FAAH: variants seen among roughly 807,000 people sequenced by gnomAD.
FAAH encodes the protein fatty-acid amide hydrolase 1.
FAAH carries 63 observed loss-of-function variants against 69.7 expected under a neutral mutation model. The observed-to-expected ratio is 0.90, with a 90% confidence interval of 0.74 to 1.12. The LOEUF (loss-of-function observed/expected upper bound fraction) is 1.12, where lower values mean the gene tolerates loss of function less well. FAAH is among the 50% of genes most tolerant of loss of function. The pLI is 0.00. For synonymous variants in FAAH, 305 were observed against 324.2 expected, an observed-to-expected ratio of 0.94 and a Z score of 0.64; for missense variants, 680 against 755.0, an observed-to-expected ratio of 0.90 and a Z score of 1.16.
rs1456628662 is a variant in FAAH at position 46,402,287 on chromosome 1, G to T, written c.309+83G>T. The T allele has an allele frequency of 7.5e-6, 9 of 1,203,084 alleles. No homozygotes were observed. In the East Asian group the frequency reaches 2.3e-4, roughly 31 times the overall value. The allele number at this position is 1,203,084 out of a possible 1,614,324, so 74.5% of individuals were successfully genotyped here. ...CCCTCCCTTTCCCCTCCCTCTGTCCGCACAGGCTGTGGGGAAAACCTGGCC... is the reference window on the plus strand; with the variant it reads ...CCCTCCCTTTCCCCTCCCTCTGTCCTCACAGGCTGTGGGGAAAACCTGGCC... On this transcript the variant is annotated intron_variant, in intron 2 of 14. Transcript: ENST00000243167.
intron 1 of FAAH, among the ~76,000 whole-genome samples, chr1:46,398,152 C>T (rs537218400): frequency 6.6e-6 from 1 of 152,244 alleles, no homozygotes; most frequent in East Asian, 1.9e-4. Context: ...CCAGGCTGGT[C>T]TTGAACTCCT....
At position 46,405,945 on chromosome 1, in the gene FAAH, C is replaced by A; in HGVS notation, c.786-93C>A. On this transcript the variant is annotated intron_variant, in intron 5 of 14. Coordinates refer to ENST00000243167, the MANE Select transcript of FAAH (RefSeq NM_001441.3). The surrounding 1 kb of genome is among the most constrained non-coding windows in gnomAD (Gnocchi z 4.1). ...ACTGGCCGGGCGTGGGTCCTAGTTTCCAAAGCGGTGAGTGTTCAGAGCTGC... is the reference window on the plus strand; with the variant it reads ...ACTGGCCGGGCGTGGGTCCTAGTTTACAAAGCGGTGAGTGTTCAGAGCTGC... The A allele has an allele frequency of 6.2e-7, 1 of 1,612,840 alleles. No homozygotes were observed. Among genetic ancestry groups the A allele is most frequent in the South Asian group, 1.1e-5 (1 of 90,950 alleles).
chr1:46,402,619 TCTC>T (rs1199893400), intron 2 of FAAH, among the ~76,000 whole-genome samples: 6 of 151,836 alleles, frequency 4.0e-5, no homozygotes, highest in Non-Finnish European at 5.9e-5. Context: ...TTCAAGCAAT[TCTC>T]CTGCCTCAGC....
In FAAH at chr1:46,394,544, G is replaced by T; in HGVS notation, c.195+1G>T. ...GGCGGCGCAGCGCTTCCGGCTCCAG[G>T]TGACTGCCGGAGCGTAGTGGGATGG... On this transcript the variant is annotated splice_donor_variant, in intron 1 of 14. Coordinates refer to ENST00000243167, the MANE Select transcript of FAAH (RefSeq NM_001441.3). LOFTEE classifies it high-confidence loss of function. 1 of 1,354,450 alleles carries T rather than the reference G, an allele frequency of 7.4e-7. No homozygotes were observed. The highest frequency in any genetic ancestry group is 9.4e-7 in the Non-Finnish European group (1 of 1,060,780). 83.9% of individuals were successfully genotyped at this position (1,354,450 alleles called of 1,614,324 possible).
chr1:46,412,568 G>A (rs1177365197), intron 13 of FAAH, among the ~76,000 whole-genome samples: 4 of 152,194 alleles, frequency 2.6e-5, no homozygotes, highest in Non-Finnish European at 5.9e-5. Context: ...CGAGCACTTT[G>A]GGAGGCTGAG....
intron 2 of FAAH, among the ~76,000 whole-genome samples, chr1:46,403,051 C>T (rs939357033): frequency 1.3e-4 from 20 of 152,238 alleles, no homozygotes; most frequent in African/African-American, 4.6e-4. Context: ...TCAGGCTGGT[C>T]TCAAACTCCT....
At position 46,404,737 on chromosome 1, in the gene FAAH, C is replaced by T. The variant is rs1664760597; in HGVS notation, c.310-277C>T. Among the ~76,000 whole-genome samples the T allele has an allele frequency of 6.6e-6, 1 of 152,154 alleles. No homozygotes were observed. The highest frequency in any genetic ancestry group is 2.1e-4 in the South Asian group (1 of 4,826). ...CAGCTCACCCCCTACCTGGGGGGCACCTGAGGCCAGTATCTTGCTCCCTTG... is the reference window on the plus strand; with the variant it reads ...CAGCTCACCCCCTACCTGGGGGGCATCTGAGGCCAGTATCTTGCTCCCTTG... On this transcript the variant is annotated intron_variant, in intron 2 of 14. Transcript: ENST00000243167. The surrounding 1 kb of genome is among the most constrained non-coding windows in gnomAD (Gnocchi z 4.5).
rs1202096686 is a variant in FAAH at position 46,404,702 on chromosome 1, A to T, written c.310-312A>T. Among the ~76,000 whole-genome samples the T allele has an allele frequency of 6.6e-6, 1 of 152,242 alleles. No individual in the cohort carries two copies. Among genetic ancestry groups the T allele is most frequent in the East Asian group, 1.9e-4 (1 of 5,170 alleles). ...GGAGGTGAGGGAGTGGCCAGTGGTC[A>T]TCTTCCTCCCAGCTCACCCCCTACC... On this transcript the variant is annotated intron_variant, in intron 2 of 14. Coordinates refer to ENST00000243167, the MANE Select transcript of FAAH (RefSeq NM_001441.3). The surrounding 1 kb of genome is among the most constrained non-coding windows in gnomAD (Gnocchi z 4.5).
Position 46,394,409 on chromosome 1 carries a change from T to A in FAAH, c.61T>A (p.Cys21Ser). The change falls in exon 1 of 15, where the codon TGC becomes AGC. Residue 21 changes from cysteine to serine, a missense_variant. Physicochemically the swap from Cys to Ser is moderately radical, Grantham distance 112. Coordinates refer to ENST00000243167, the MANE Select transcript of FAAH (RefSeq NM_001441.3). ...CGCCTCCGGGGTCGCCCTGGCCTGC[T>A]GCTTCGTGGCGGCGGCCGTGGCCCT... is the stretch of plus-strand genomic sequence containing the variant. ...PGASGVALAC[C>S]FVAAAVALRW... The A allele has an allele frequency of 6.7e-7, 1 of 1,494,498 alleles. No individual in the cohort carries two copies. Among genetic ancestry groups the A allele is most frequent in the Non-Finnish European group, 8.9e-7 (1 of 1,126,162 alleles). The allele number at this position is 1,494,498 out of a possible 1,614,324, so 92.6% of individuals were successfully genotyped here.
chr1:46,412,239 G>A lies in FAAH; in HGVS notation c.1453G>A (p.Gly485Ser). Residue 485 changes from glycine (G) to serine (S), a missense_variant, in exon 13 of 15, where the codon GGC becomes AGC. Gly to Ser is a moderately conservative substitution (Grantham distance 56). Transcript: ENST00000243167. ...CCCTGCTCTGGACTTGAATGCCCCAGGCAGGGCCACAGGTGAGGCCCGACA... is the reference window on the plus strand; with the variant it reads ...CCCTGCTCTGGACTTGAATGCCCCAAGCAGGGCCACAGGTGAGGCCCGACA... ...LAPALDLNAP[G>S]RATGAVSYTM... 1 of 1,553,152 alleles carries A rather than the reference G, an allele frequency of 6.4e-7. No homozygotes were observed. Among genetic ancestry groups the A allele is most frequent in the Non-Finnish European group, 8.7e-7 (1 of 1,147,842 alleles).
chr1:46,408,538 G>A lies in FAAH; in HGVS notation c.1031G>A (p.Arg344Gln), dbSNP rs970642010. ...ACCATGCCCTCCCCGGCCATGAGGC[G>A]GGCCGTGCTGGAGACCAAACAGAGC... is the stretch of plus-strand genomic sequence containing the variant. ...NYTMPSPAMR[R>Q]AVLETKQSLE... The change falls in exon 8 of 15, where the codon CGG (arginine) becomes CAG (glutamine). Residue 344 changes from arginine to glutamine, a missense_variant. Transcript: ENST00000243167. 3.7e-6 allele frequency: 6 copies of A among 1,614,126 alleles called. No individual in the cohort carries two copies. Among genetic ancestry groups the A allele is most frequent in the East Asian group, 2.2e-5 (1 of 44,880 alleles).
intron 7 of FAAH, 118 bp downstream of exon 7, chr1:46,406,486 C>A: frequency 6.9e-7 from 1 of 1,458,586 alleles, no homozygotes; most frequent in Non-Finnish European, 9.4e-7. Flanking sequence ...GCCTCTGAGG[C>A]CAGGGCGGGT....
chr1:46,407,300 C>T (rs1382219319), intron 7 of FAAH, among the ~76,000 whole-genome samples: 2 of 152,052 alleles, frequency 1.3e-5, no homozygotes, highest in Admixed American at 6.5e-5. Flanking sequence ...GATCTTTCAA[C>T]ATGGGGGTTG....
In FAAH at chr1:46,413,479, C is replaced by T. The variant is rs143781022; in HGVS notation, c.1644C>T (p.Ala548=). The stretch of plus-strand genomic sequence containing the variant: ...AGAAGAGTGTGGGGCTGCCGGTGGC[C>T]GTGCAGTGTGTGGCTCTGCCCTGGC... ...GMKKSVGLPV[A]VQCVALPWQE... The change falls in exon 15 of 15, where the codon GCC becomes GCT. Residue 548 remains alanine, a synonymous_variant. Transcript: ENST00000243167. 62 of 1,613,932 alleles carry T rather than the reference C, an allele frequency of 3.8e-5. No homozygotes were observed. The highest frequency in any genetic ancestry group is 5.0e-5 in the Admixed American group (3 of 59,992).
At chr1:46,408,692 G>A in intron 8 of FAAH, 108 bp downstream of exon 8, 1 of 1,543,886 alleles carries the variant, frequency 6.5e-7, no homozygotes, top group South Asian at 1.1e-5. Flanking sequence ...TGACGATGTT[G>A]TCGTCGGGGT....
chr1:46,405,701 C>A lies in FAAH; in HGVS notation c.692C>A (p.Pro231His), dbSNP rs769504896. 6.2e-7 allele frequency: 1 copy of A among 1,613,586 alleles called. No individual in the cohort carries two copies. Among genetic ancestry groups the A allele is most frequent in the Non-Finnish European group, 8.5e-7 (1 of 1,180,040 alleles). The change falls in exon 5 of 15, where the codon CCC becomes CAC. Residue 231 changes from proline (P) to histidine (H), a missense_variant. Pro to His is a moderately conservative substitution (Grantham distance 77, BLOSUM62 -2). Transcript: ENST00000243167. The surrounding 1 kb of genome is among the most constrained non-coding windows in gnomAD (Gnocchi z 4.1). ...GCCCTCATCGGGTCTGGAGGCTCCC[C>A]CCTGGGCTTAGGCACTGATATCGGA... ...EGALIGSGGS[P>H]LGLGTDIGGS... is the part of the protein sequence containing the mutation.
Position 46,405,726 on chromosome 1 carries a change from A to AGG in FAAH, c.718_719dup (p.Ser241AlafsTer27). On this transcript the variant is annotated frameshift_variant, in exon 5 of 15. Coordinates refer to ENST00000243167, the MANE Select transcript of FAAH (RefSeq NM_001441.3). LOFTEE classifies it high-confidence loss of function. The surrounding 1 kb of genome is among the most constrained non-coding windows in gnomAD (Gnocchi z 4.1). Reference sequence around the variant, plus strand: ...CCCTGGGCTTAGGCACTGATATCGGAGGCAGCATCCGCTTCCCCTCCTCCT... The same window carrying AGG: ...CCCTGGGCTTAGGCACTGATATCGGAGGGGCAGCATCCGCTTCCCCTCCTCCT... 1.2e-6 allele frequency: 2 copies of AGG among 1,613,458 alleles called. No individual in the cohort carries two copies. Among genetic ancestry groups the AGG allele is most frequent in the South Asian group, 2.2e-5 (2 of 91,080 alleles).
At position 46,411,169 on chromosome 1, in the gene FAAH, C is replaced by T. The variant is rs1381120465; in HGVS notation, c.1316+315C>T. Reference sequence around the variant, plus strand: ...TGGCCTGGGCCAAGGGTGGGGCACCCGGGAGAGATGCCACTGTTAGAGATC... The same window carrying T: ...TGGCCTGGGCCAAGGGTGGGGCACCTGGGAGAGATGCCACTGTTAGAGATC... On this transcript the variant is annotated intron_variant, in intron 11 of 14. Transcript: ENST00000243167. The surrounding 1 kb of genome is among the most constrained non-coding windows in gnomAD (Gnocchi z 4.8). Among the ~76,000 whole-genome samples, 9 of 152,298 alleles carry T rather than the reference C, an allele frequency of 5.9e-5. No individual in the cohort carries two copies. The South Asian group carries it at 8.3e-4, about 14-fold the overall frequency.
chr1:46,412,090 C>T (rs1557762138), intron 12 of FAAH, 53 bp from the exon 13 acceptor site: 3 of 1,470,178 alleles, frequency 2.0e-6, no homozygotes, highest in East Asian at 4.9e-5. Context: ...GTTAAAGAGC[C>T]TGGGGTGGGC....
Sources: gnomAD v4.1 joint callset for allele counts (sites outside exome capture counted in the v4.1 genomes callset) on GRCh38, gnomAD v4.1.1 for gene constraint, Gnocchi (gnomAD v3.1) non-coding constraint, MANE v1.5 for transcripts, NCBI Gene and HGNC (gene_info 2026-07-23, HGNC 2026-07-21) for gene names.